The following MERTK variants were observed in gnomAD, a reference collection of about 807,000 sequenced individuals.
MERTK encodes the protein tyrosine-protein kinase Mer.
Under a neutral mutation model 99.3 loss-of-function variants are expected in MERTK, and 69 were observed. That is an observed-to-expected ratio of 0.70 (90% confidence interval 0.57 to 0.85). The LOEUF (loss-of-function observed/expected upper bound fraction) is 0.85. Ranked by LOEUF, MERTK falls within the 40% of genes least tolerant of loss-of-function variation. MERTK has a pLI of 0.00. For missense variants in MERTK, 1,125 were observed against 1,249.4 expected, an observed-to-expected ratio of 0.90 and a Z score of 1.50; for synonymous variants, 426 against 467.6, an observed-to-expected ratio of 0.91 and a Z score of 1.15.
chr2:112,001,156 T>A (rs1455854938), intron 10 of MERTK, 45 bp from the exon 11 acceptor site: 1 of 1,463,876 alleles, frequency 6.8e-7, no homozygotes, highest in South Asian at 1.1e-5. Context: ...CCTGCCCCAG[T>A]AGCCCTGTTT....
intron 1 of MERTK, among the ~76,000 whole-genome samples, chr2:111,912,281 A>G (rs1302101277): frequency 1.3e-5 from 2 of 152,044 alleles, no homozygotes; most frequent in Non-Finnish European, 2.9e-5. Context: ...TGCTGGAATT[A>G]CGGGCATGAG....
chr2:111,911,409 G>T (rs1684245457), intron 1 of MERTK, among the ~76,000 whole-genome samples: 1 of 151,202 alleles, frequency 6.6e-6, no homozygotes, highest in Non-Finnish European at 1.5e-5. Context: ...TTTTTTTTGA[G>T]ACAGAGTCTC....
intron 3 of MERTK, 81 bp downstream of exon 3, chr2:111,945,141 T>C (rs1684942280): frequency 1.7e-6 from 2 of 1,143,200 alleles, no homozygotes; most frequent in Admixed American, 3.7e-5. Flanking sequence ...TATAATACTC[T>C]AGAGTTTTGC....
chr2:112,021,709 A>AAC (rs10667527), intron 17 of MERTK, 128 bp downstream of exon 17: 2 of 781,008 alleles, frequency 2.6e-6, no homozygotes, highest in Admixed American at 4.0e-5. Flanking sequence ...GCTTGCTCAG[A>AAC]TCTCTTTTAT....
At chr2:111,937,457 A>G (rs1251093727) in intron 2 of MERTK, among the ~76,000 whole-genome samples, 1 of 152,040 alleles carries the variant, frequency 6.6e-6, no homozygotes, top group Non-Finnish European at 1.5e-5. Context: ...AAAACAAAAC[A>G]AAACAAAAGT....
At chr2:111,933,871 GC>G (rs942364059) in intron 2 of MERTK, among the ~76,000 whole-genome samples, 2 of 51,244 alleles carry the variant, frequency 3.9e-5, no homozygotes, top group African/African-American at 8.3e-5. Context: ...CCCTCCCCCA[GC>G]CCCCCCACCC....
intron 4 of MERTK, among the ~76,000 whole-genome samples, chr2:111,964,392 TGTGTGTGCGC>T (rs1185500070): frequency 5.1e-5 from 7 of 137,028 alleles, no homozygotes; most frequent in Non-Finnish European, 1.1e-4. Context: ...TGTGTGTGTG[TGTGTGTGCGC>T]GCGCGCACGC....
In MERTK at chr2:112,010,683, T is replaced by C. The variant is rs144286108; in HGVS notation, c.2079+617T>C. Among the ~76,000 whole-genome samples, 300 of 152,294 alleles carry C rather than the reference T, an allele frequency of 2.0e-3. 1 individual carries two copies. The highest frequency in any genetic ancestry group is 7.0e-3 in the African/African-American group (293 of 41,566). On this transcript the variant is annotated intron_variant, in intron 15 of 18. Transcript: ENST00000295408. ...TTTTCAGTATTGACTTTGAGGGCTGTAGCGTTAAGGAATCATAGCCACTGG... is the reference window on the plus strand; with the variant it reads ...TTTTCAGTATTGACTTTGAGGGCTGCAGCGTTAAGGAATCATAGCCACTGG...
intron 15 of MERTK, among the ~76,000 whole-genome samples, chr2:112,012,859 A>G (rs984337697): frequency 6.6e-6 from 1 of 152,202 alleles, no homozygotes; most frequent in African/African-American, 2.4e-5. Context: ...AGACAGGTCC[A>G]TCTGTAGAAA....
intron 1 of MERTK, among the ~76,000 whole-genome samples, chr2:111,913,571 T>A (rs1456205809): frequency 6.6e-6 from 1 of 152,088 alleles, no homozygotes; most frequent in Non-Finnish European, 1.5e-5. Context: ...TGAGATGGAG[T>A]CTCACTCTGT....
chr2:111,937,032 A>G (rs1684776847), intron 2 of MERTK, among the ~76,000 whole-genome samples: 1 of 152,032 alleles, frequency 6.6e-6, no homozygotes, highest in South Asian at 2.1e-4. Flanking sequence ...TGGTGAGGGG[A>G]AAGTATTTGT....
At chr2:111,997,604 C>T (rs1473847218) in intron 10 of MERTK, 128 bp downstream of exon 10, 11 of 1,130,064 alleles carry the variant, frequency 9.7e-6, no homozygotes, top group Admixed American at 2.0e-5. Flanking sequence ...TTATGCATAC[C>T]CTGGGCTCAG....
intron 1 of MERTK, among the ~76,000 whole-genome samples, chr2:111,909,827 C>T (rs572483597): frequency 6.6e-6 from 1 of 152,050 alleles, no homozygotes; most frequent in South Asian, 2.1e-4. Flanking sequence ...AGCAGCCCAA[C>T]CCTCAGTTCG....
At chr2:111,968,107 A>ATGTATGTGTG (rs1685392843) in intron 5 of MERTK, 30 bp from the exon 6 acceptor site, 2 of 1,258,056 alleles carry the variant, frequency 1.6e-6, no homozygotes, top group Admixed American at 1.7e-5. Context: ...TTGTGTGTGT[A>ATGTATGTGTG]TGTGTGTGTG....
chr2:111,971,977 CTGT>C (rs1005666183), intron 6 of MERTK, among the ~76,000 whole-genome samples: 1 of 152,074 alleles, frequency 6.6e-6, no homozygotes, highest in African/African-American at 2.4e-5. Flanking sequence ...TTTTGGGGCT[CTGT>C]TGTTAGAAAT....
At chr2:112,019,125 A>C (rs938996776) in intron 15 of MERTK, among the ~76,000 whole-genome samples, 3 of 152,174 alleles carry the variant, frequency 2.0e-5, no homozygotes, top group Non-Finnish European at 2.9e-5. Context: ...ACACGGAAGG[A>C]TCACGTTTGA....
At chr2:111,953,572 TTC>T (rs1685093559) in intron 4 of MERTK, among the ~76,000 whole-genome samples, 1 of 145,222 alleles carries the variant, frequency 6.9e-6, no homozygotes, top group Admixed American at 6.9e-5. Flanking sequence ...CTGTACATTG[TTC>T]TCTCTTTTTT....
At chr2:112,004,697 G>A (rs1159101272) in intron 13 of MERTK, among the ~76,000 whole-genome samples, 1 of 152,118 alleles carries the variant, frequency 6.6e-6, no homozygotes, top group Non-Finnish European at 1.5e-5. Flanking sequence ...AGATCACAAG[G>A]TCAGGAGTTT....
chr2:111,919,962 A>G (rs975326265), intron 1 of MERTK, among the ~76,000 whole-genome samples: 4 of 151,936 alleles, frequency 2.6e-5, no homozygotes, highest in Non-Finnish European at 5.9e-5. Context: ...CTGGTGTGCC[A>G]GGTCCCTGTT....
Sources: allele counts gnomAD v4.1 joint callset (sites outside exome capture counted in the v4.1 genomes callset), GRCh38; gene constraint gnomAD v4.1.1; transcripts MANE v1.5; gene names NCBI Gene and HGNC (gene_info 2026-07-23, HGNC 2026-07-21).